The following RIMS2 variants were observed in gnomAD, a reference collection of about 807,000 sequenced individuals.
The protein encoded by RIMS2 is regulating synaptic membrane exocytosis 2.
In RIMS2, 59 loss-of-function variants were observed where a neutral mutation model predicts 174.4. The observed-to-expected ratio is 0.34, with a 90% CI of 0.27 to 0.42. RIMS2 has a LOEUF of 0.42. Among genes scored for constraint, RIMS2 ranks in the 10% least tolerant of loss-of-function variants. The pLI is 1.00. For missense variants in RIMS2, 1,620 were observed against 1,666.3 expected, an observed-to-expected ratio of 0.97 and a Z score of 0.48; for synonymous variants, 606 against 572.5, an observed-to-expected ratio of 1.06 and a Z score of -0.84.
chr8:104,033,024 G>A (rs757172025), intron 19 of RIMS2, among the ~76,000 whole-genome samples: 1 of 151,864 alleles, frequency 6.6e-6, no homozygotes, highest in Non-Finnish European at 1.5e-5. Context: ...GATGCTTTGA[G>A]AAAATGTATC....
Position 103,906,061 on chromosome 8 carries a change from C to CA in RIMS2, c.1625-4067dup, listed in dbSNP as rs547294121. On this transcript the variant is annotated intron_variant, in intron 4 of 23. Coordinates refer to ENST00000504942, the Ensembl canonical transcript of RIMS2. ...ATCTTAGTTCTGTACTATTAAGCTG[C>CA]AAAAAATAAGAATATCCAGTGGAAA... 3.3e-3 allele frequency among the ~76,000 whole-genome samples: 508 copies of CA among 151,886 alleles called. 2 individuals carry two copies. Among genetic ancestry groups the CA allele is most frequent in the African/African-American group, 0.012 (489 of 41,436 alleles).
Position 104,116,601 on chromosome 8 carries a change from A to T in RIMS2, c.3334+101986A>T, listed in dbSNP as rs183702488. Among the ~76,000 whole-genome samples the T allele has an allele frequency of 3.6e-3, 545 of 152,272 alleles. 2 individuals carry two copies. The highest frequency in any genetic ancestry group is 0.016 in the East Asian group (81 of 5,172). On this transcript the variant is annotated intron_variant, in intron 19 of 23. Coordinates refer to ENST00000504942, the Ensembl canonical transcript of RIMS2. The stretch of plus-strand genomic sequence containing the variant: ...TTGATTTAGGATTTACATTTGTATG[A>T]AGTGAGTTAGGCTGAGTTTTGTACC...
At chr8:104,128,825 T>TA (rs1354722676) in intron 19 of RIMS2, among the ~76,000 whole-genome samples, 1 of 152,182 alleles carries the variant, frequency 6.6e-6, no homozygotes, top group African/African-American at 2.4e-5. Flanking sequence ...GAATTTAAAT[T>TA]AAAAAATAGT....
chr8:103,543,086 AT>A (rs1290706713), intron 1 of RIMS2, among the ~76,000 whole-genome samples: 3 of 152,164 alleles, frequency 2.0e-5, no homozygotes, highest in African/African-American at 7.2e-5. Flanking sequence ...AATTGTCTGT[AT>A]TTGCAAATAA....
At chr8:103,988,058 C>A (rs1423653993) in intron 16 of RIMS2, among the ~76,000 whole-genome samples, 1 of 152,082 alleles carries the variant, frequency 6.6e-6, no homozygotes, top group Non-Finnish European at 1.5e-5. Context: ...CAAACTTGTT[C>A]TAGGCATTAT....
intron 19 of RIMS2, among the ~76,000 whole-genome samples, chr8:104,226,092 G>A (rs538637744): frequency 6.6e-6 from 1 of 152,006 alleles, no homozygotes; most frequent in East Asian, 1.9e-4. Flanking sequence ...AACATATTCA[G>A]GATTATGTTA....
intron 14 of RIMS2, among the ~76,000 whole-genome samples, chr8:103,943,780 A>G (rs1293704262): frequency 1.3e-5 from 2 of 152,148 alleles, no homozygotes; most frequent in African/African-American, 2.4e-5. Context: ...TGGGGTAGTT[A>G]TATCTTTACG....
At chr8:103,972,554 A>G (rs2092996455) in intron 15 of RIMS2, among the ~76,000 whole-genome samples, 1 of 152,192 alleles carries the variant, frequency 6.6e-6, no homozygotes, top group African/African-American at 2.4e-5. Context: ...AAGCGTCTAC[A>G]TAATCTTCCC....
intron 19 of RIMS2, among the ~76,000 whole-genome samples, chr8:104,166,059 CTTTTTTTTTTTT>C (rs560648211): frequency 2.0e-5 from 2 of 97,854 alleles, no homozygotes; most frequent in Non-Finnish European, 4.0e-5. Flanking sequence ...TTTTGGATTT[CTTTTTTTTTTTT>C]TTTTTTTTTT....
At chr8:104,189,877 G>T (rs1419638451) in intron 19 of RIMS2, among the ~76,000 whole-genome samples, 1 of 151,868 alleles carries the variant, frequency 6.6e-6, no homozygotes, top group African/African-American at 2.4e-5. Flanking sequence ...AGCTGGAAGG[G>T]ACCATCTAAT....
At chr8:104,069,783 C>A (rs982020040) in intron 19 of RIMS2, among the ~76,000 whole-genome samples, 7 of 152,016 alleles carry the variant, frequency 4.6e-5, no homozygotes, top group Admixed American at 1.3e-4. Context: ...TGTTCTTGTA[C>A]TCCATTACCT....
intron 17 of RIMS2, chr8:103,998,041 G>C: frequency 1.7e-6 from 1 of 585,096 alleles, no homozygotes; most frequent in South Asian, 2.3e-5. Context: ...TGGGAGGAGG[G>C]GGCAAGCTTT....
intron 1 of RIMS2, among the ~76,000 whole-genome samples, chr8:103,614,749 A>G (rs1378994476): frequency 6.6e-6 from 1 of 152,204 alleles, no homozygotes; most frequent in Non-Finnish European, 1.5e-5. Context: ...ATATCTTTCT[A>G]CCTCCATAAA....
chr8:103,891,883 G>A (rs555071384), intron 4 of RIMS2, among the ~76,000 whole-genome samples: 42 of 151,960 alleles, frequency 2.8e-4, no homozygotes, highest in African/African-American at 8.7e-4. Flanking sequence ...AGATAGAAGC[G>A]TTATCCTTTA....
At chr8:103,815,546 AGTTAAT>A in intron 3 of RIMS2, among the ~76,000 whole-genome samples, 1 of 152,318 alleles carries the variant, frequency 6.6e-6, no homozygotes, top group Non-Finnish European at 1.5e-5. Context: ...CATTTGTAAT[AGTTAAT>A]GTCTCTCTGC....
intron 19 of RIMS2, among the ~76,000 whole-genome samples, chr8:104,213,751 C>G (rs991998197): frequency 2.0e-5 from 3 of 151,276 alleles, no homozygotes; most frequent in African/African-American, 4.9e-5. Flanking sequence ...GTGGCACGCG[C>G]CTGTAGTCCC....
At chr8:104,184,273 A>T (rs1039260506) in intron 19 of RIMS2, among the ~76,000 whole-genome samples, 17 of 151,506 alleles carry the variant, frequency 1.1e-4, no homozygotes, top group Admixed American at 1.1e-3. Context: ...TCATATCCAC[A>T]CTCTACTTAG....
exon 7 of RIMS2, chr8:103,915,523 G>T (rs759967215): frequency 1.9e-6 from 3 of 1,605,472 alleles, no homozygotes; most frequent in Non-Finnish European, 2.6e-6. Flanking sequence ...ACTGAATCAG[G>T]TCGGCTTTGT....
intron 1 of RIMS2, among the ~76,000 whole-genome samples, chr8:103,665,058 T>C (rs1264699545): frequency 6.6e-6 from 1 of 152,142 alleles, no homozygotes; most frequent in Non-Finnish European, 1.5e-5. Flanking sequence ...TTTTCACTCA[T>C]AGGTGGGAGT....
Sources: gnomAD v4.1 joint callset for allele counts (sites outside exome capture counted in the v4.1 genomes callset) on GRCh38, gnomAD v4.1.1 for gene constraint, MANE v1.5 for transcripts, NCBI Gene and HGNC (gene_info 2026-07-23, HGNC 2026-07-21) for gene names.